The following CABP1 variants were observed in gnomAD, a reference collection of about 807,000 sequenced individuals.
CABP1 encodes the protein calcium binding protein 1.
CABP1 carries 17 observed loss-of-function variants against 34.3 expected under a neutral mutation model. The observed-to-expected ratio is 0.50, with a 90% confidence interval of 0.34 to 0.74. CABP1 has a LOEUF of 0.74. Ranked by LOEUF, CABP1 falls within the 30% of genes least tolerant of loss-of-function variation. The probability of loss-of-function intolerance (pLI) is 0.01; values close to 1 mark genes in which losing one functional copy is unlikely to be tolerated. For missense variants in CABP1, 373 were observed against 511.1 expected, an observed-to-expected ratio of 0.73 and a Z score of 2.61; for synonymous variants, 198 against 229.2, an observed-to-expected ratio of 0.86 and a Z score of 1.23.
the CABP1 span, among the ~76,000 whole-genome samples, chr12:120,678,166 G>C: frequency 6.6e-6 from 1 of 152,206 alleles, no homozygotes; most frequent in African/African-American, 2.4e-5. Flanking sequence ...CCCCTGCCTT[G>C]TGTTTGCCTT....
At chr12:120,652,916 G>A (rs760842654) in intron 1 of CABP1, among the ~76,000 whole-genome samples, 1 of 152,102 alleles carries the variant, frequency 6.6e-6, no homozygotes, top group Non-Finnish European at 1.5e-5. Flanking sequence ...CTTCCTGAGC[G>A]GTATCTGGGG....
At chr12:120,666,768 G>A (rs1418112151) in intron 5 of CABP1, 107 bp from the exon 6 acceptor site, 2 of 1,218,998 alleles carry the variant, frequency 1.6e-6, no homozygotes, top group African/African-American at 1.5e-5. Context: ...ATGGATGGGG[G>A]ACCAGCACAG....
Position 120,641,116 on chromosome 12 carries a change from G to A in CABP1, c.431G>A (p.Arg144Lys), listed in dbSNP as rs1015038896. The A allele has an allele frequency of 6.5e-6, 8 of 1,224,678 alleles. No individual in the cohort carries two copies. The highest frequency in any genetic ancestry group is 6.1e-6 in the Non-Finnish European group (6 of 985,006). 75.9% of individuals were successfully genotyped at this position (1,224,678 alleles called of 1,614,324 possible). A position where few individuals can be genotyped will look rare whatever the true frequency, so the allele number is the denominator to read the frequency against. Residue 144 changes from arginine to lysine, a missense_variant, in exon 1 of 6, where the codon AGG becomes AAG. Transcript: ENST00000316803. The surrounding 1 kb of genome is among the most constrained non-coding windows in gnomAD (Gnocchi z 6.7). The stretch of plus-strand genomic sequence containing the variant: ...CGTGTGCTCCCCCAGGCGCACTGCA[G>A]GCCCCGGGAGGCGCTGCCGGCCGCG... ...SQRVLPQAHC[R>K]PREALPAAAS...
rs774848531 is a variant in CABP1, at chr12:120,641,367, C to A, written c.654+28C>A. ...AAGGGCCGCGCCTCCCGTCAGCGCTCCCGGGAAAGGCGCTCGGGACCCTGC... is the reference window on the plus strand; with the variant it reads ...AAGGGCCGCGCCTCCCGTCAGCGCTACCGGGAAAGGCGCTCGGGACCCTGC... On this transcript the variant is annotated intron_variant, in intron 1 of 5. Coordinates refer to ENST00000316803, the MANE Select transcript of CABP1 (RefSeq NM_001033677.2). The surrounding 1 kb of genome is among the most constrained non-coding windows in gnomAD (Gnocchi z 6.7). The A allele has an allele frequency of 1.6e-6, 2 of 1,258,048 alleles. No homozygotes were observed. The highest frequency in any genetic ancestry group is 1.0e-6 in the Non-Finnish European group (1 of 1,001,058). 77.9% of individuals were successfully genotyped at this position (1,258,048 alleles called of 1,614,324 possible). A position where few individuals can be genotyped will look rare whatever the true frequency, so the allele number is the denominator to read the frequency against.
At chr12:120,659,346 C>T (rs1205536048) in intron 1 of CABP1, 1 of 153,564 alleles carries the variant, frequency 6.5e-6, no homozygotes, top group African/African-American at 2.4e-5. Context: ...TCCTGCGCCT[C>T]TTCTGTTGTC....
intron 1 of CABP1, among the ~76,000 whole-genome samples, chr12:120,647,745 T>A (rs1879616438): frequency 5.7e-5 from 2 of 34,880 alleles, no homozygotes; most frequent in African/African-American, 1.5e-4. Context: ...CTTTTGTATT[T>A]TTTTTTTTTT....
chr12:120,668,113 G>C (rs1881109490), downstream of CABP1, among the ~76,000 whole-genome samples: 1 of 152,226 alleles, frequency 6.6e-6, no homozygotes, highest in Non-Finnish European at 1.5e-5. Context: ...GCCTCCTGTA[G>C]GGAGGTCAGA....
rs544938872 is a variant in CABP1 at position 120,660,430 on chromosome 12, C to T, written c.829+91C>T. ...CAGGACTGGCTTCAAATTCTGCATC[C>T]ACCTCTTACCAGCTCTGTGATCTGG... On this transcript the variant is annotated intron_variant, in intron 3 of 5. Coordinates refer to ENST00000316803, the MANE Select transcript of CABP1 (RefSeq NM_001033677.2). The surrounding 1 kb of genome is among the most constrained non-coding windows in gnomAD (Gnocchi z 5.0). 1.5e-4 allele frequency: 207 copies of T among 1,359,908 alleles called. 4 individuals are homozygous for T. The South Asian group carries it at 2.6e-3, about 17-fold the overall frequency. 84.2% of individuals were successfully genotyped at this position (1,359,908 alleles called of 1,614,324 possible). A position where few individuals can be genotyped will look rare whatever the true frequency, so the allele number is the denominator to read the frequency against.
At chr12:120,666,795 A>G in intron 5 of CABP1, 80 bp from the exon 6 acceptor site, 1 of 1,486,856 alleles carries the variant, frequency 6.7e-7, no homozygotes, top group Non-Finnish European at 9.1e-7. Context: ...GGCAGTGGCA[A>G]CAGGGTGGGG....
downstream of CABP1, among the ~76,000 whole-genome samples, chr12:120,669,915 T>C (rs1881191895): frequency 6.6e-6 from 1 of 152,084 alleles, no homozygotes; most frequent in African/African-American, 2.4e-5. Context: ...CCCCAGTAAT[T>C]TGTCTTTTTG....
chr12:120,656,388 C>A (rs948754985), intron 1 of CABP1: 2 of 1,033,914 alleles, frequency 1.9e-6, no homozygotes, highest in Non-Finnish European at 2.7e-6. Flanking sequence ...GAATCTGATC[C>A]CCAAAGTTTT....
chr12:120,644,163 T>C (rs1879452641), intron 1 of CABP1, among the ~76,000 whole-genome samples: 1 of 152,192 alleles, frequency 6.6e-6, no homozygotes, highest in Non-Finnish European at 1.5e-5. Flanking sequence ...TGTTATTTTC[T>C]CTCTCTGGTC....
chr12:120,655,830 C>CGTGT (rs746144300), intron 1 of CABP1: 12 of 879,666 alleles, frequency 1.4e-5, no homozygotes, highest in South Asian at 7.7e-5. Context: ...TGCGTGCGTG[C>CGTGT]GTGTGTGTGT....
intron 1 of CABP1, chr12:120,656,026 A>G (rs1425056751): frequency 6.2e-7 from 1 of 1,609,234 alleles, no homozygotes. Flanking sequence ...TCCCGGGACC[A>G]GGAGCCAGGC....
At chr12:120,665,635 G>C (rs1048796072) in intron 5 of CABP1, among the ~76,000 whole-genome samples, 3 of 151,942 alleles carry the variant, frequency 2.0e-5, no homozygotes, top group Non-Finnish European at 4.4e-5. Context: ...GGTTGGTGTG[G>C]GAGGCTATGC....
intron 1 of CABP1, among the ~76,000 whole-genome samples, chr12:120,656,806 A>G (rs1223539022): frequency 6.6e-6 from 1 of 152,148 alleles, no homozygotes; most frequent in Non-Finnish European, 1.5e-5. Context: ...GAGGCAGGAG[A>G]ATCGCTTGAA....
chr12:120,676,743 G>A, the CABP1 span, among the ~76,000 whole-genome samples: 2 of 152,060 alleles, frequency 1.3e-5, no homozygotes, highest in Admixed American at 1.3e-4. Context: ...ATTTATTTCT[G>A]AGTATGTGTA....
intron 1 of CABP1, among the ~76,000 whole-genome samples, chr12:120,654,157 T>G (rs912145448): frequency 9.2e-5 from 14 of 152,232 alleles, no homozygotes; most frequent in African/African-American, 3.4e-4. Flanking sequence ...TTGGCCTGTC[T>G]GACATCCCTC....
downstream of CABP1, among the ~76,000 whole-genome samples, chr12:120,671,300 G>A (rs1881244872): frequency 6.6e-6 from 1 of 152,198 alleles, no homozygotes; most frequent in African/African-American, 2.4e-5. Context: ...AGCTACTCGG[G>A]AGGCTGAGCA....
Sources: gnomAD v4.1 joint callset for allele counts (sites outside exome capture counted in the v4.1 genomes callset) on GRCh38, gnomAD v4.1.1 for gene constraint, Gnocchi (gnomAD v3.1) non-coding constraint, MANE v1.5 for transcripts, NCBI Gene and HGNC (gene_info 2026-07-23, HGNC 2026-07-21) for gene names.